The following NR3C2 variants were observed in gnomAD, a reference collection of about 807,000 sequenced individuals.
NR3C2 encodes the protein mineralocorticoid receptor.
Under a neutral mutation model 86.4 loss-of-function variants are expected in NR3C2, and 15 were observed. The ratio of observed to expected loss-of-function variants is 0.17; its 90% CI spans 0.12 to 0.27. The LOEUF is 0.27. NR3C2 is among the 10% of genes least tolerant of loss of function. The pLI is 1.00. For synonymous variants in NR3C2, 458 were observed against 450.5 expected, an observed-to-expected ratio of 1.02 and a Z score of -0.21; for missense variants, 960 against 1,195.6, an observed-to-expected ratio of 0.80 and a Z score of 2.91.
intron 2 of NR3C2, among the ~76,000 whole-genome samples, chr4:148,261,413 TGCGCTATGGTAA>T (rs1272212030): frequency 1.3e-5 from 2 of 151,724 alleles, no homozygotes; most frequent in African/African-American, 2.4e-5. Context: ...AGTGCTATGG[TGCGCTATGGTAA>T]GCGCTATGGT....
chr4:148,401,732 G>A (rs1748179075), intron 2 of NR3C2, among the ~76,000 whole-genome samples: 1 of 152,082 alleles, frequency 6.6e-6, no homozygotes, highest in African/African-American at 2.4e-5. Flanking sequence ...AAAGTGCTGG[G>A]ATTACAGGTG....
intron 3 of NR3C2, among the ~76,000 whole-genome samples, chr4:148,236,001 G>A (rs993759764): frequency 6.6e-6 from 1 of 152,170 alleles, no homozygotes; most frequent in African/African-American, 2.4e-5. Context: ...CAGCAGCAGC[G>A]GGCAGATGCA....
At chr4:148,104,179 C>A (rs899768702) in intron 8 of NR3C2, among the ~76,000 whole-genome samples, 1 of 152,130 alleles carries the variant, frequency 6.6e-6, no homozygotes, top group Admixed American at 6.5e-5. Flanking sequence ...CCTTAGTAAT[C>A]ATTATAGAGA....
intron 2 of NR3C2, among the ~76,000 whole-genome samples, chr4:148,405,757 T>TG (rs1185126963): frequency 6.6e-6 from 1 of 152,196 alleles, no homozygotes; most frequent in East Asian, 1.9e-4. Flanking sequence ...TGAACTGCTG[T>TG]GGGGGACTCA....
In NR3C2 at chr4:148,269,328, G is replaced by A. The variant is rs149713159; in HGVS notation, c.1758-9211C>T. ...AAGACTGAAGGCTCACCATGGGGAT[G>A]TGGTCATTGTTGATACTGTTGACCT... On this transcript the variant is annotated intron_variant, in intron 2 of 8. Transcript: ENST00000358102. Among the ~76,000 whole-genome samples the A allele has an allele frequency of 3.4e-3, 519 of 152,274 alleles. 4 individuals carry two copies. Among genetic ancestry groups the A allele is most frequent in the African/African-American group, 0.011 (475 of 41,562 alleles).
chr4:148,155,667 G>A lies in NR3C2; in HGVS notation c.2015-766C>T, dbSNP rs868587493. ...CTCATGGGTAGGAAGAATCAATATCGTGAAAATGGCCATATTGCCCAAGGT... is the reference window on the plus strand; with the variant it reads ...CTCATGGGTAGGAAGAATCAATATCATGAAAATGGCCATATTGCCCAAGGT... On this transcript the variant is annotated intron_variant, in intron 4 of 8. Transcript: ENST00000358102. Among the ~76,000 whole-genome samples, 23 of 151,444 alleles carry A rather than the reference G, an allele frequency of 1.5e-4. 1 individual carries two copies. The highest frequency in any genetic ancestry group is 8.4e-4 in the South Asian group (4 of 4,758).
rs1314315538 is a variant in NR3C2 at position 148,224,000 on chromosome 4, G to C, written c.1898-29138C>G. Among the ~76,000 whole-genome samples the C allele has an allele frequency of 8.5e-5, 13 of 152,224 alleles. No homozygotes were observed. The East Asian group carries it at 2.5e-3, about 29-fold the overall frequency. The stretch of plus-strand genomic sequence containing the variant: ...GAGAGAACAAGGTGTTGACGATGTT[G>C]ATTTGGGAGACATTCACAAACATAT... On this transcript the variant is annotated intron_variant, in intron 3 of 8. Coordinates refer to ENST00000358102, the MANE Select transcript of NR3C2 (RefSeq NM_000901.5).
At chr4:148,376,645 T>A (rs1746696068) in intron 2 of NR3C2, among the ~76,000 whole-genome samples, 1 of 152,218 alleles carries the variant, frequency 6.6e-6, no homozygotes, top group Non-Finnish European at 1.5e-5. Context: ...TTTCAAAAGC[T>A]TAAGCATGAT....
intron 3 of NR3C2, among the ~76,000 whole-genome samples, chr4:148,217,195 TG>T (rs1737584760): frequency 6.6e-6 from 1 of 152,220 alleles, no homozygotes; most frequent in African/African-American, 2.4e-5. Flanking sequence ...GCTACAGCTC[TG>T]GAAAGTATTT....
chr4:148,134,443 G>A (rs1050571377), intron 6 of NR3C2, among the ~76,000 whole-genome samples: 1 of 151,976 alleles, frequency 6.6e-6, no homozygotes, highest in Non-Finnish European at 1.5e-5. Context: ...GATAGATGAG[G>A]GGTAAAAGTG....
chr4:148,414,133 T>C (rs1748878737), intron 2 of NR3C2, among the ~76,000 whole-genome samples: 1 of 152,176 alleles, frequency 6.6e-6, no homozygotes. Flanking sequence ...TCTAAATGTA[T>C]CATCACACAT....
chr4:148,217,125 A>G (rs534437397), intron 3 of NR3C2, among the ~76,000 whole-genome samples: 1 of 152,346 alleles, frequency 6.6e-6, no homozygotes, highest in South Asian at 2.1e-4. Context: ...AACCAACCTG[A>G]CTTGTGGCAA....
chr4:148,114,396 G>T lies in NR3C2; in HGVS notation c.2642-135C>A, dbSNP rs60453498. 5,300 of 918,948 alleles carry T rather than the reference G, an allele frequency of 5.8e-3. 160 individuals are homozygous for T. The African/African-American group carries it at 0.074, about 13-fold the overall frequency. The allele number at this position is 918,948 out of a possible 1,614,324, so 56.9% of individuals were successfully genotyped here. A position where few individuals can be genotyped will look rare whatever the true frequency, so the allele number is the denominator to read the frequency against. ...ATTGCATTTATGAATAAATATGGCA[G>T]CTGTCTACTGGCAAATACTTGTACA... is the stretch of plus-strand genomic sequence containing the variant. On this transcript the variant is annotated intron_variant, in intron 7 of 8. Coordinates refer to ENST00000358102, the MANE Select transcript of NR3C2 (RefSeq NM_000901.5).
chr4:148,435,175 T>A lies in NR3C2; in HGVS notation c.1686A>T (p.Ser562=). Residue 562 remains serine, a synonymous_variant, in exon 2 of 9, where the codon TCA becomes TCT. Coordinates refer to ENST00000358102, the MANE Select transcript of NR3C2 (RefSeq NM_000901.5). ...TTCTTCTAGACGACAGGTCGCCGTGTGATTTCCATGACTCCACTAAAGTAT... is the reference window on the plus strand; with the variant it reads ...TTCTTCTAGACGACAGGTCGCCGTGAGATTTCCATGACTCCACTAAAGTAT... The part of the protein sequence containing the change: ...PVNTLVESWK[S]HGDLSSRRSD... 1 of 1,614,206 alleles carries A rather than the reference T, an allele frequency of 6.2e-7. No individual in the cohort carries two copies. The highest frequency in any genetic ancestry group is 2.2e-5 in the East Asian group (1 of 44,882).
At chr4:148,195,497 A>T (rs183281430) in intron 3 of NR3C2, among the ~76,000 whole-genome samples, 1 of 152,376 alleles carries the variant, frequency 6.6e-6, no homozygotes, top group East Asian at 1.9e-4. Flanking sequence ...GGATACAGTG[A>T]TGAACAAGAC....
intron 2 of NR3C2, among the ~76,000 whole-genome samples, chr4:148,263,027 C>T (rs1397039159): frequency 6.6e-6 from 1 of 152,144 alleles, no homozygotes; most frequent in African/African-American, 2.4e-5. Context: ...TGCTCTGTTC[C>T]CTGCCACCAT....
At chr4:148,217,951 T>C (rs1431327748) in intron 3 of NR3C2, among the ~76,000 whole-genome samples, 2 of 152,214 alleles carry the variant, frequency 1.3e-5, no homozygotes, top group African/African-American at 2.4e-5. Context: ...TGAAAACCTT[T>C]TAAAACCAAG....
chr4:148,152,103 A>T (rs1324578825), intron 6 of NR3C2, among the ~76,000 whole-genome samples: 1 of 152,186 alleles, frequency 6.6e-6, no homozygotes, highest in African/African-American at 2.4e-5. Flanking sequence ...TTATATATTC[A>T]CATTTCCTAG....
At chr4:148,327,382 A>G (rs569559430) in intron 2 of NR3C2, among the ~76,000 whole-genome samples, 1 of 152,342 alleles carries the variant, frequency 6.6e-6, no homozygotes, top group East Asian at 1.9e-4. Flanking sequence ...GGTTGAGGAT[A>G]AGTGAATCCT....
Sources: gnomAD v4.1 joint callset for allele counts (sites outside exome capture counted in the v4.1 genomes callset) on GRCh38, gnomAD v4.1.1 for gene constraint, MANE v1.5 for transcripts, NCBI Gene and HGNC (gene_info 2026-07-23, HGNC 2026-07-21) for gene names.